The following TECPR1 variants were observed in gnomAD, a reference collection of about 807,000 sequenced individuals.
TECPR1 encodes the protein tectonin beta-propeller repeat-containing protein 1.
In TECPR1, 122 loss-of-function variants were observed where a neutral mutation model predicts 162.4. The ratio of observed to expected loss-of-function variants is 0.75; its 90% CI spans 0.65 to 0.87. The LOEUF is 0.87. TECPR1 is among the 40% of genes least tolerant of loss of function. TECPR1 has a pLI of 0.00. For synonymous variants in TECPR1, 642 were observed against 670.6 expected (o/e 0.96, Z 0.66); for missense variants, 1,432 against 1,618.2 (o/e 0.88, Z 1.97).
chr7:98,245,934 G>A lies in TECPR1; in HGVS notation c.213C>T (p.Ala71=). ...TGAGGGTCACTACCTGATTCTCATA[G>A]GCCTCCTCTCGGCGGCGGATGGGGA... ...SDVPIRRREE[A]YENQRWNPMG... Residue 71 remains alanine, a synonymous_variant, in exon 3 of 26, where the codon GCC becomes GCT. Coordinates refer to ENST00000447648, the MANE Select transcript of TECPR1 (RefSeq NM_015395.3). 1 of 1,599,782 alleles carries A rather than the reference G, an allele frequency of 6.3e-7. No individual in the cohort carries two copies. Among genetic ancestry groups the A allele is most frequent in the South Asian group, 1.1e-5 (1 of 88,482 alleles).
At chr7:98,221,482 GTT>G (rs71532099) in intron 23 of TECPR1, among the ~76,000 whole-genome samples, 177 bp downstream of exon 23, 12 of 135,370 alleles carry the variant, frequency 8.9e-5, no homozygotes, top group Non-Finnish European at 1.6e-4. Context: ...AAAAATTAAA[GTT>G]TTTTTTTTTT....
In TECPR1 at chr7:98,228,272, G is replaced by A. The variant is rs141775914; in HGVS notation, c.2411-156C>T. The stretch of plus-strand genomic sequence containing the variant: ...AACAGTCCTGTTGAGCTTATCGCAC[G>A]GGGGTCGGCCTGGCTTGGGTTTTCT... On this transcript the variant is annotated intron_variant, in intron 16 of 25. Transcript: ENST00000447648. 4.4e-3 allele frequency among the ~76,000 whole-genome samples: 671 copies of A among 152,288 alleles called. 1 individual carries two copies. Among genetic ancestry groups the A allele is most frequent in the Non-Finnish European group, 7.0e-3 (476 of 68,020 alleles).
chr7:98,217,881 A>C (rs1032318396), intron 24 of TECPR1, 55 bp downstream of exon 24: 1 of 1,544,144 alleles, frequency 6.5e-7, no homozygotes, highest in Admixed American at 2.0e-5. Flanking sequence ...GATGGGGGAG[A>C]CCAGAGAGGG....
At chr7:98,221,486 T>TGTG (rs201308314) in intron 23 of TECPR1, among the ~76,000 whole-genome samples, 175 bp downstream of exon 23, 1 of 149,220 alleles carries the variant, frequency 6.7e-6, no homozygotes, top group South Asian at 2.2e-4. Context: ...ATTAAAGTTT[T>TGTG]TTTTTTTTTT....
chr7:98,246,839 T>C (rs1301960717), intron 2 of TECPR1, among the ~76,000 whole-genome samples: 2 of 152,060 alleles, frequency 1.3e-5, no homozygotes, highest in African/African-American at 4.8e-5. Context: ...TGCCTCTGCC[T>C]CCCGAAGTGT....
At chr7:98,221,251 G>A (rs1310708595) in intron 23 of TECPR1, among the ~76,000 whole-genome samples, 3 of 152,082 alleles carry the variant, frequency 2.0e-5, no homozygotes, top group Non-Finnish European at 4.4e-5. Context: ...GCAGTGAGCC[G>A]AGATTGCACC....
At chr7:98,222,114 C>T (rs998315399) in intron 22 of TECPR1, among the ~76,000 whole-genome samples, 30 of 152,300 alleles carry the variant, frequency 2.0e-4, no homozygotes, top group African/African-American at 4.8e-4. Flanking sequence ...CAGCACAGCC[C>T]GTCCTCCCGG....
chr7:98,223,125 G>A lies in TECPR1; in HGVS notation c.2793C>T (p.Pro931=), dbSNP rs1369041417. 4 of 1,604,694 alleles carry A rather than the reference G, an allele frequency of 2.5e-6. No individual in the cohort carries two copies. The highest frequency in any genetic ancestry group is 3.4e-6 in the Non-Finnish European group (4 of 1,176,160). The change falls in exon 21 of 26, where the codon CCC becomes CCT. Residue 931 remains proline (P), a synonymous_variant. Transcript: ENST00000447648. ...VTSGPWLEVP[P]IALRDVSIIP... is the part of the protein sequence containing the mutation. ...TGATGGACACGTCCCTGAGGGCGAT[G>A]GGGGGCACCTCCAGCCAGGGCCCAC...
chr7:98,228,841 G>A (rs763395904), intron 16 of TECPR1, 198 bp downstream of exon 16: 1 of 663,602 alleles, frequency 1.5e-6, no homozygotes, highest in Non-Finnish European at 2.4e-6. Context: ...TGGAACCTTC[G>A]AGGCCCTCAG....
intron 9 of TECPR1, 106 bp downstream of exon 9, chr7:98,238,403 G>C: frequency 2.2e-6 from 2 of 896,042 alleles, no homozygotes; most frequent in African/African-American, 3.3e-5. Flanking sequence ...ACAATGGAGT[G>C]GGGGGCTCTC....
Position 98,225,078 on chromosome 7 carries a change from C to A in TECPR1, c.2538G>T (p.Met846Ile). ...TSRGLPTDRY[M>I]WSDASGLQEC... ...CCTGCAGCCCCGAGGCATCGCTCCA[C>A]ATGTACCGGTCCGTGGGCAGACCCC... Residue 846 changes from methionine to isoleucine, a missense_variant, in exon 18 of 26, where the codon ATG becomes ATT. By Grantham distance (10) the Met-to-Ile change is conservative. Transcript: ENST00000447648. 1 of 1,570,842 alleles carries A rather than the reference C, an allele frequency of 6.4e-7. No individual in the cohort carries two copies. The highest frequency in any genetic ancestry group is 8.6e-7 in the Non-Finnish European group (1 of 1,160,044).
In TECPR1 at chr7:98,221,139, T is replaced by A. The variant is rs576933322; in HGVS notation, c.3157+522A>T. ...CAATATGGTGAAACCCCGCCTCTAC[T>A]AAAAATATAAAAATTAGCCAGGTGT... On this transcript the variant is annotated intron_variant, in intron 23 of 25. Coordinates refer to ENST00000447648, the MANE Select transcript of TECPR1 (RefSeq NM_015395.3). 7.9e-5 allele frequency among the ~76,000 whole-genome samples: 12 copies of A among 152,024 alleles called. No individual in the cohort carries two copies. The East Asian group carries it at 2.2e-3, about 27-fold the overall frequency.
At chr7:98,224,351 G>A (rs922309002) in intron 19 of TECPR1, among the ~76,000 whole-genome samples, 7 of 152,206 alleles carry the variant, frequency 4.6e-5, no homozygotes, top group Admixed American at 2.0e-4. Flanking sequence ...GGCTCACACT[G>A]CCCCTTCACC....
chr7:98,230,833 C>T (rs890320201), intron 15 of TECPR1, 128 bp downstream of exon 15: 49 of 1,257,584 alleles, frequency 3.9e-5, no homozygotes, highest in Non-Finnish European at 4.7e-5. Flanking sequence ...AACCAGTGGC[C>T]GTGCCTCTGC....
chr7:98,233,427 G>A lies in TECPR1; in HGVS notation c.1666C>T (p.Gln556Ter). 3.4e-6 allele frequency: 5 copies of A among 1,455,780 alleles called. No homozygotes were observed. The highest frequency in any genetic ancestry group is 4.5e-6 in the Non-Finnish European group (5 of 1,103,324). The allele number at this position is 1,455,780 out of a possible 1,614,324, so 90.2% of individuals were successfully genotyped here. ...GCCCTGCAGGAGCCCTTACCCGCCT[G>A]GACAGTGAACCATCTGGGCATGGCA... The part of the protein sequence containing the change: ...ACAMPRWFTV[Q>*]AGLSSSVHML... Residue 556 changes from glutamine (Q) to a stop codon, truncating the protein, a stop_gained, in exon 11 of 26, where the codon CAG becomes TAG. Coordinates refer to ENST00000447648, the MANE Select transcript of TECPR1 (RefSeq NM_015395.3). LOFTEE classifies it high-confidence loss of function.
In TECPR1 at chr7:98,228,654, C is replaced by T. The variant is rs75234817; in HGVS notation, c.2410+385G>A. ...GGGGCATGTGGGCTGCGGCCTGGAACGCCCCGTTTCAGTGTCTGTTTCCGC... is the reference window on the plus strand; with the variant it reads ...GGGGCATGTGGGCTGCGGCCTGGAATGCCCCGTTTCAGTGTCTGTTTCCGC... On this transcript the variant is annotated intron_variant, in intron 16 of 25. Coordinates refer to ENST00000447648, the MANE Select transcript of TECPR1 (RefSeq NM_015395.3). The T allele has an allele frequency of 3.8e-3, 807 of 214,580 alleles. 11 individuals are homozygous for T. Among genetic ancestry groups the T allele is most frequent in the African/African-American group, 0.017 (747 of 44,700 alleles). 13.3% of individuals were successfully genotyped at this position (214,580 alleles called of 1,614,324 possible). A position where few individuals can be genotyped will look rare whatever the true frequency, so the allele number is the denominator to read the frequency against.
intron 2 of TECPR1, 24 bp downstream of exon 2, chr7:98,251,370 A>G (rs1799059180): frequency 6.6e-6 from 1 of 152,190 alleles, no homozygotes; most frequent in Admixed American, 6.6e-5. Flanking sequence ...GACACAGTAC[A>G]AAGAACGCTC....
intron 10 of TECPR1, among the ~76,000 whole-genome samples, chr7:98,235,595 G>T (rs1798574807): frequency 6.6e-6 from 1 of 151,304 alleles, no homozygotes; most frequent in South Asian, 2.1e-4. Flanking sequence ...AACACTTTGG[G>T]AGACAGAGGT....
intron 11 of TECPR1, chr7:98,233,199 A>G: frequency 1.3e-6 from 1 of 785,006 alleles, no homozygotes; most frequent in South Asian, 2.4e-5. Context: ...CAGACAGGGG[A>G]AGGGGCACTG....
Sources: gnomAD v4.1 joint callset for allele counts (sites outside exome capture counted in the v4.1 genomes callset) on GRCh38, gnomAD v4.1.1 for gene constraint, MANE v1.5 for transcripts, NCBI Gene and HGNC (gene_info 2026-07-23, HGNC 2026-07-21) for gene names.